LRBA: variants seen among roughly 807,000 people sequenced by gnomAD.
The protein encoded by LRBA is lipopolysaccharide-responsive and beige-like anchor protein.
A neutral mutation model predicts 330.0 loss-of-function variants in LRBA; 176 were observed. The observed-to-expected ratio is 0.53, with a 90% CI of 0.47 to 0.60. The LOEUF (loss-of-function observed/expected upper bound fraction) is 0.60. Among genes scored for constraint, LRBA ranks in the 20% least tolerant of loss-of-function variants. LRBA has a pLI of 0.00. For synonymous variants in LRBA, 1,230 were observed against 1,193.0 expected (o/e 1.03, Z -0.64); for missense variants, 3,259 against 3,444.8 (o/e 0.95, Z 1.35).
chr4:150,887,768 C>CAAAAAAAAAAAAAAA (rs33950813), intron 17 of LRBA, among the ~76,000 whole-genome samples: 2 of 82,234 alleles, frequency 2.4e-5, no homozygotes, highest in Admixed American at 1.4e-4. Context: ...GACTCCGTCT[C>CAAAAAAAAAAAAAAA]AAAAAAAAAA....
At chr4:150,727,181 C>A (rs762358210) in intron 36 of LRBA, among the ~76,000 whole-genome samples, 1 of 139,258 alleles carries the variant, frequency 7.2e-6, no homozygotes. Flanking sequence ...TCAAGCAATT[C>A]TCCTACCTCA....
rs1745142401 is a variant in LRBA, at chr4:150,265,117, G to A, written c.*605C>T. The A allele has an allele frequency of 6.5e-6, 1 of 152,880 alleles. No individual in the cohort carries two copies. The highest frequency in any genetic ancestry group is 1.5e-5 in the Non-Finnish European group (1 of 68,212). 9.5% of individuals were successfully genotyped at this position (152,880 alleles called of 1,614,324 possible). On this transcript the variant is annotated 3_prime_UTR_variant, in exon 57 of 57. Transcript: ENST00000651943. Reference sequence around the variant, plus strand: ...ACTTGCTATAAATTAGATTCCTTGTGCTAACCACACAATAAAATAGCCTCC... The same window carrying A: ...ACTTGCTATAAATTAGATTCCTTGTACTAACCACACAATAAAATAGCCTCC...
intron 40 of LRBA, among the ~76,000 whole-genome samples, chr4:150,542,045 A>G (rs1353331224): frequency 6.6e-6 from 1 of 152,260 alleles, no homozygotes; most frequent in African/African-American, 2.4e-5. Flanking sequence ...ATTAAGCAAT[A>G]AAGCATATGT....
intron 34 of LRBA, among the ~76,000 whole-genome samples, chr4:150,765,085 TA>T (rs75575371): frequency 0.097 from 13,082 of 134,298 alleles, 889 homozygotes; most frequent in East Asian, 0.33. Flanking sequence ...TATTCAGCGC[TA>T]AAAAAAAAAA....
At chr4:150,489,621 GAATATAT>G (rs1235506619) in intron 41 of LRBA, among the ~76,000 whole-genome samples, 8 of 72,854 alleles carry the variant, frequency 1.1e-4, no homozygotes, top group African/African-American at 3.1e-4. Flanking sequence ...TAATATATAA[GAATATAT>G]AATATATAAG....
At chr4:150,510,676 A>G (rs1383858467) in intron 40 of LRBA, among the ~76,000 whole-genome samples, 3 of 152,082 alleles carry the variant, frequency 2.0e-5, no homozygotes, top group Non-Finnish European at 4.4e-5. Flanking sequence ...CTTAGTTTAC[A>G]CTGAGTGATT....
At chr4:150,574,920 C>A (rs189624877) in intron 40 of LRBA, among the ~76,000 whole-genome samples, 1 of 152,086 alleles carries the variant, frequency 6.6e-6, no homozygotes, top group East Asian at 1.9e-4. Context: ...CTGATCCCAG[C>A]AAGCAAATCA....
chr4:150,879,728 G>C (rs183650950), intron 17 of LRBA, among the ~76,000 whole-genome samples: 3 of 152,154 alleles, frequency 2.0e-5, no homozygotes, highest in Non-Finnish European at 2.9e-5. Flanking sequence ...CAACCTTCAA[G>C]TTCATATCCA....
intron 35 of LRBA, among the ~76,000 whole-genome samples, chr4:150,758,252 C>T (rs1490915331): frequency 6.6e-6 from 1 of 152,182 alleles, no homozygotes; most frequent in Non-Finnish European, 1.5e-5. Flanking sequence ...TTATACTAGA[C>T]AGTAAACGAT....
chr4:150,592,960 A>C (rs998286093), intron 38 of LRBA, among the ~76,000 whole-genome samples: 3 of 152,148 alleles, frequency 2.0e-5, no homozygotes, highest in African/African-American at 7.2e-5. Context: ...GCTAAAAAGA[A>C]ATATACTTAC....
At chr4:150,303,750 T>A (rs1231407483) in intron 52 of LRBA, among the ~76,000 whole-genome samples, 1 of 152,108 alleles carries the variant, frequency 6.6e-6, no homozygotes, top group Non-Finnish European at 1.5e-5. Context: ...ATTTTTTGTA[T>A]TTTTAGTAGA....
At chr4:150,622,909 G>C (rs1167640718) in intron 37 of LRBA, among the ~76,000 whole-genome samples, 2 of 152,032 alleles carry the variant, frequency 1.3e-5, no homozygotes, top group African/African-American at 2.4e-5. Context: ...GTGTTAGCCA[G>C]GATGGTCTCG....
In LRBA at chr4:150,489,305, T is replaced by TATATACGAATATATAAAATATTAC. The variant is rs1561250686; in HGVS notation, c.6449-1472_6449-1471insGTAATATTTTATATATTCGTATAT. 4.8e-5 allele frequency among the ~76,000 whole-genome samples: 3 copies of TATATACGAATATATAAAATATTAC among 62,380 alleles called. 1 individual carries two copies. In the East Asian group the frequency reaches 1.4e-3, roughly 29 times the overall value. The allele number at this position is 62,380 out of a possible 152,430, so 40.9% of individuals were successfully genotyped here. A position where few individuals can be genotyped will look rare whatever the true frequency, so the allele number is the denominator to read the frequency against. On this transcript the variant is annotated intron_variant, in intron 41 of 56. Transcript: ENST00000651943. ...ATATATAAGAATATATAATATATTA[T>TATATACGAATATATAAAATATTAC]ATATAAGAATATATAAAATATATTA...
chr4:150,642,312 TATAAC>T (rs1281508773), intron 37 of LRBA, among the ~76,000 whole-genome samples: 4 of 151,950 alleles, frequency 2.6e-5, no homozygotes, highest in African/African-American at 9.7e-5. Context: ...GGGAGAATGG[TATAAC>T]ATACTAGGCC....
At chr4:150,896,872 T>C (rs899690229) in intron 15 of LRBA, among the ~76,000 whole-genome samples, 3 of 151,780 alleles carry the variant, frequency 2.0e-5, no homozygotes, top group African/African-American at 7.2e-5. Context: ...GTCAAGTACC[T>C]AAAAATTAAA....
intron 40 of LRBA, among the ~76,000 whole-genome samples, chr4:150,549,456 C>T (rs921399184): frequency 1.6e-4 from 24 of 152,012 alleles, no homozygotes; most frequent in African/African-American, 5.3e-4. Context: ...CTCAGCCTCC[C>T]GAGTAGCTGG....
intron 36 of LRBA, among the ~76,000 whole-genome samples, chr4:150,703,307 A>C (rs889963956): frequency 6.6e-6 from 1 of 152,242 alleles, no homozygotes; most frequent in African/African-American, 2.4e-5. Context: ...GGTAATTTTT[A>C]ATGAAACATT....
At chr4:150,476,123 T>C (rs1429983308) in intron 42 of LRBA, among the ~76,000 whole-genome samples, 1 of 152,182 alleles carries the variant, frequency 6.6e-6, no homozygotes, top group Non-Finnish European at 1.5e-5. Context: ...ATAATCTTCA[T>C]TACTCTATTT....
In LRBA at chr4:150,852,170, C is replaced by A; in HGVS notation, c.3540G>T (p.Gln1180His). 1.9e-6 allele frequency: 3 copies of A among 1,614,130 alleles called. No homozygotes were observed. Among genetic ancestry groups the A allele is most frequent in the South Asian group, 1.1e-5 (1 of 91,078 alleles). Residue 1180 changes from glutamine (Q) to histidine (H), a missense_variant, in exon 23 of 57, where the codon CAG (glutamine) becomes CAT (histidine). By Grantham distance (24) the Gln-to-His change is conservative. Transcript: ENST00000651943. The part of the protein sequence containing the change: ...ETQDSKDSGI[Q>H]TMTASGSSAM... Reference sequence around the variant, plus strand: ...CTGAAGACCCTGATGCTGTCATAGTCTGAATTCCAGAATCTTTAGAATCTT... The same window carrying A: ...CTGAAGACCCTGATGCTGTCATAGTATGAATTCCAGAATCTTTAGAATCTT...
Sources: allele counts gnomAD v4.1 joint callset (sites outside exome capture counted in the v4.1 genomes callset), GRCh38; gene constraint gnomAD v4.1.1; transcripts MANE v1.5; gene names NCBI Gene and HGNC (gene_info 2026-07-23, HGNC 2026-07-21).